Variants in PRORP observed in about 807,000 individuals in gnomAD.
PRORP encodes mitochondrial ribonuclease P catalytic subunit.
PRORP carries 51 observed loss-of-function variants against 59.4 expected under a neutral mutation model. The observed-to-expected ratio is 0.86, with a 90% CI of 0.69 to 1.08. The LOEUF (loss-of-function observed/expected upper bound fraction) is 1.08, where lower values mean the gene tolerates loss of function less well. PRORP is among the 50% of genes least tolerant of loss of function. The pLI is 0.00. For synonymous variants in PRORP, 231 were observed against 245.6 expected (o/e 0.94, Z 0.55); for missense variants, 646 against 690.3 (o/e 0.94, Z 0.72).
rs368583518 is a variant in PRORP at position 35,211,194 on chromosome 14, CG to C, written c.1275+30418del. On this transcript the variant is annotated intron_variant, in intron 5 of 7. Coordinates refer to ENST00000534898, the MANE Select transcript of PRORP (RefSeq NM_014672.4). ...CAGGTACCATAGTGGAACTGGTGAA[CG>C]TTTTTTAGTGGGTAACACTATAGAG... 8.3e-4 allele frequency among the ~76,000 whole-genome samples: 126 copies of C among 151,960 alleles called. 1 individual carries two copies. Among genetic ancestry groups the C allele is most frequent in the African/African-American group, 2.9e-3 (120 of 41,320 alleles).
rs144107936 is a variant in PRORP, at chr14:35,217,387, G to C, written c.1275+36610G>C. On this transcript the variant is annotated intron_variant, in intron 5 of 7. Coordinates refer to ENST00000534898, the MANE Select transcript of PRORP (RefSeq NM_014672.4). Reference sequence around the variant, plus strand: ...GTGGTGGCAGGCACCTGTAATCCCAGCTATTTGGGAGGCTAAGGCAGGAGA... The same window carrying C: ...GTGGTGGCAGGCACCTGTAATCCCACCTATTTGGGAGGCTAAGGCAGGAGA... Among the ~76,000 whole-genome samples the C allele has an allele frequency of 5.2e-3, 793 of 151,700 alleles. 8 individuals are homozygous for C. The highest frequency in any genetic ancestry group is 0.018 in the African/African-American group (748 of 41,354).
chr14:35,172,490 T>TCCTCTCTC lies in PRORP; in HGVS notation c.1168-8147_1168-8140dup, dbSNP rs374315224. ...TTTCCCCTCTTTCCTTTCTTTCCCT[T>TCCTCTCTC]CCTCTCTCCCTCTCTCCCTCTCTCC... is the stretch of plus-strand genomic sequence containing the variant. On this transcript the variant is annotated intron_variant, in intron 4 of 7. Coordinates refer to ENST00000534898, the MANE Select transcript of PRORP (RefSeq NM_014672.4). Among the ~76,000 whole-genome samples the TCCTCTCTC allele has an allele frequency of 1.0e-3, 104 of 102,976 alleles. 1 individual carries two copies. The highest frequency in any genetic ancestry group is 8.3e-3 in the South Asian group (24 of 2,896). 67.6% of individuals were successfully genotyped at this position (102,976 alleles called of 152,430 possible).
Position 35,180,254 on chromosome 14 carries a change from G to T in PRORP, c.1168-416G>T, listed in dbSNP as rs527596381. Among the ~76,000 whole-genome samples the T allele has an allele frequency of 7.6e-4, 116 of 152,268 alleles. 1 individual carries two copies. Among genetic ancestry groups the T allele is most frequent in the Non-Finnish European group, 1.3e-3 (87 of 68,008 alleles). On this transcript the variant is annotated intron_variant, in intron 4 of 7. Transcript: ENST00000534898. Reference sequence around the variant, plus strand: ...CTCTCTTCAAAGCTCAGTTGAAAGTGCAGAAATCACCCATCTTCCGCATCG... The same window carrying T: ...CTCTCTTCAAAGCTCAGTTGAAAGTTCAGAAATCACCCATCTTCCGCATCG...
Position 35,142,452 on chromosome 14 carries a change from A to G in PRORP, c.1167+14841A>G, listed in dbSNP as rs1373241089. ...AGCAATGAACTCCTGGGCTGGAGCAATCCTCCCACCTCAACTTCCCAAGTA... is the reference window on the plus strand; with the variant it reads ...AGCAATGAACTCCTGGGCTGGAGCAGTCCTCCCACCTCAACTTCCCAAGTA... On this transcript the variant is annotated intron_variant, in intron 4 of 7. Transcript: ENST00000534898. Among the ~76,000 whole-genome samples the G allele has an allele frequency of 3.6e-5, 5 of 139,982 alleles. 1 individual carries two copies. Among genetic ancestry groups the G allele is most frequent in the Non-Finnish European group, 7.9e-5 (5 of 63,524 alleles). 91.8% of individuals were successfully genotyped at this position (139,982 alleles called of 152,430 possible).
At chr14:35,257,407 A>T (rs2050789314) in intron 5 of PRORP, among the ~76,000 whole-genome samples, 1 of 152,116 alleles carries the variant, frequency 6.6e-6, no homozygotes, top group Admixed American at 6.5e-5. Flanking sequence ...TGCTGTCTTT[A>T]TGAATTTGAC....
chr14:35,149,121 G>T (rs368528548), intron 4 of PRORP, among the ~76,000 whole-genome samples: 2 of 149,624 alleles, frequency 1.3e-5, no homozygotes, highest in African/African-American at 4.9e-5. Flanking sequence ...GGGTTTCACC[G>T]TGTTAGCCAG....
intron 5 of PRORP, among the ~76,000 whole-genome samples, chr14:35,198,802 G>A (rs1194700789): frequency 2.4e-4 from 36 of 152,228 alleles, no homozygotes; most frequent in Non-Finnish European, 4.4e-5. Flanking sequence ...GGGAGGCTGA[G>A]CGGGCAGATC....
intron 5 of PRORP, among the ~76,000 whole-genome samples, chr14:35,229,172 C>T (rs1009577530): frequency 2.6e-5 from 4 of 152,062 alleles, no homozygotes; most frequent in African/African-American, 9.7e-5. Flanking sequence ...TGCTTAAGCT[C>T]CTTATAGATT....
intron 4 of PRORP, among the ~76,000 whole-genome samples, chr14:35,175,135 T>C (rs2048415156): frequency 6.6e-6 from 1 of 152,078 alleles, no homozygotes; most frequent in South Asian, 2.1e-4. Flanking sequence ...CTTAACCCAG[T>C]CTATCATTGA....
intron 5 of PRORP, among the ~76,000 whole-genome samples, chr14:35,232,564 G>A (rs532158649): frequency 2.6e-5 from 4 of 152,260 alleles, no homozygotes; most frequent in East Asian, 3.9e-4. Context: ...CTCTGCTAAC[G>A]TGGTGTTTCC....
chr14:35,123,816 A>T lies in PRORP; in HGVS notation c.571A>T (p.Thr191Ser). The change falls in exon 2 of 8, where the codon ACA (threonine) becomes TCA (serine). Residue 191 changes from threonine to serine, a missense_variant. Coordinates refer to ENST00000534898, the MANE Select transcript of PRORP (RefSeq NM_014672.4). ...YLYLCVFHMQ[T>S]SEVIDVFEIM... Reference sequence around the variant, plus strand: ...GTATCTCTGTGTCTTTCATATGCAGACATCTGAAGTTATTGATGTCTTTGA... The same window carrying T: ...GTATCTCTGTGTCTTTCATATGCAGTCATCTGAAGTTATTGATGTCTTTGA... 1 of 1,614,108 alleles carries T rather than the reference A, an allele frequency of 6.2e-7. No homozygotes were observed. The highest frequency in any genetic ancestry group is 2.2e-5 in the East Asian group (1 of 44,886).
rs140646848 is a variant in PRORP, at chr14:35,261,016, C to T, written c.1276-5711C>T. Reference sequence around the variant, plus strand: ...TTTGTTTTATACATACACAGACTCACACACATACACAGCATCATAATCTAC... The same window carrying T: ...TTTGTTTTATACATACACAGACTCATACACATACACAGCATCATAATCTAC... On this transcript the variant is annotated intron_variant, in intron 5 of 7. Transcript: ENST00000534898. Among the ~76,000 whole-genome samples the T allele has an allele frequency of 2.7e-3, 405 of 152,326 alleles. 4 individuals carry two copies. Among genetic ancestry groups the T allele is most frequent in the African/African-American group, 8.4e-3 (348 of 41,574 alleles).
At chr14:35,167,783 T>C (rs2048221714) in intron 4 of PRORP, among the ~76,000 whole-genome samples, 1 of 152,196 alleles carries the variant, frequency 6.6e-6, no homozygotes. Flanking sequence ...GCCAGTTGCT[T>C]TAATACCGAA....
At chr14:35,139,178 A>C (rs963881538) in intron 4 of PRORP, among the ~76,000 whole-genome samples, 8 of 145,544 alleles carry the variant, frequency 5.5e-5, no homozygotes, top group African/African-American at 2.0e-4. Context: ...GCTGGTCTTG[A>C]GCTCCTGGGC....
At chr14:35,166,531 C>T (rs1357758805) in intron 4 of PRORP, among the ~76,000 whole-genome samples, 1 of 150,100 alleles carries the variant, frequency 6.7e-6, no homozygotes, top group African/African-American at 2.5e-5. Flanking sequence ...CTCACTGCAA[C>T]CTCTGCCTCC....
intron 4 of PRORP, among the ~76,000 whole-genome samples, chr14:35,130,039 T>TTG (rs199514957): frequency 0.1 from 15,684 of 149,538 alleles, 1,058 homozygotes; most frequent in African/African-American, 0.19. Context: ...TCTTTTTTTT[T>TTG]TTTTTTTTTG....
intron 4 of PRORP, among the ~76,000 whole-genome samples, chr14:35,175,397 A>G (rs1442617751): frequency 2.6e-5 from 4 of 151,920 alleles, no homozygotes; most frequent in Non-Finnish European, 5.9e-5. Flanking sequence ...CATCCTCTCC[A>G]GCACCTGTTG....
chr14:35,225,139 CAA>C (rs1346067990), intron 5 of PRORP, among the ~76,000 whole-genome samples: 1 of 151,924 alleles, frequency 6.6e-6, no homozygotes, highest in Non-Finnish European at 1.5e-5. Flanking sequence ...TTTATTGTTT[CAA>C]GAGGAACTTT....
chr14:35,189,942 C>G (rs939133933), intron 5 of PRORP, among the ~76,000 whole-genome samples: 10 of 151,562 alleles, frequency 6.6e-5, no homozygotes, highest in African/African-American at 1.9e-4. Flanking sequence ...AACCCTGTCT[C>G]TACTAAAAAT....
Sources: allele counts gnomAD v4.1 joint callset (sites outside exome capture counted in the v4.1 genomes callset), GRCh38; gene constraint gnomAD v4.1.1; transcripts MANE v1.5; gene names NCBI Gene and HGNC (gene_info 2026-07-23, HGNC 2026-07-21).